The following PCSK1 variants were observed in gnomAD, a reference collection of about 807,000 sequenced individuals.
PCSK1 encodes the protein neuroendocrine convertase 1.
PCSK1 carries 56 observed loss-of-function variants against 90.6 expected under a neutral mutation model. That is an observed-to-expected ratio of 0.62 (90% CI 0.50 to 0.77). PCSK1 has a LOEUF of 0.77. Among genes scored for constraint, PCSK1 ranks in the 30% least tolerant of loss-of-function variants. The pLI, the probability that PCSK1 is intolerant of heterozygous loss-of-function variation, is 0.00. For synonymous variants in PCSK1, 348 were observed against 342.4 expected, an observed-to-expected ratio of 1.02 and a Z score of -0.18; for missense variants, 801 against 932.6, an observed-to-expected ratio of 0.86 and a Z score of 1.84.
rs139094784 is a variant in PCSK1 at position 96,392,298 on chromosome 5, C to T, written c.*703G>A. 10 of 152,144 alleles carry T rather than the reference C, an allele frequency of 6.6e-5. No homozygotes were observed. The highest frequency in any genetic ancestry group is 1.7e-4 in the African/African-American group (7 of 41,414). The allele number at this position is 152,144 out of a possible 1,614,324, so 9.4% of individuals were successfully genotyped here. ...CAGAGGAAAGACCAGGCATGCAGCACGAGTCATAACCACCTCTGGATCCAC... is the reference window on the plus strand; with the variant it reads ...CAGAGGAAAGACCAGGCATGCAGCATGAGTCATAACCACCTCTGGATCCAC... On this transcript the variant is annotated 3_prime_UTR_variant, in exon 14 of 14. Transcript: ENST00000311106.
chr5:96,400,902 A>G (rs1193127811), intron 9 of PCSK1, among the ~76,000 whole-genome samples: 2 of 151,712 alleles, frequency 1.3e-5, no homozygotes, highest in Non-Finnish European at 2.9e-5. Context: ...CTTGGCTAAC[A>G]CGGTGAAACC....
At chr5:96,415,674 G>A (rs1465736061) in intron 6 of PCSK1, among the ~76,000 whole-genome samples, 2 of 152,110 alleles carry the variant, frequency 1.3e-5, no homozygotes, top group Admixed American at 1.3e-4. Flanking sequence ...ACAGAATTGA[G>A]AGGCAGGAAA....
At chr5:96,403,876 C>G (rs1760468500) in intron 9 of PCSK1, among the ~76,000 whole-genome samples, 1 of 152,134 alleles carries the variant, frequency 6.6e-6, no homozygotes, top group Non-Finnish European at 1.5e-5. Context: ...CATTGAAAGT[C>G]CATTTCTCTT....
intron 5 of PCSK1, among the ~76,000 whole-genome samples, chr5:96,416,498 A>G (rs542709805): frequency 6.6e-6 from 1 of 152,340 alleles, no homozygotes; most frequent in East Asian, 1.9e-4. Flanking sequence ...ATTCAGAAAC[A>G]ATTTCAGAGA....
chr5:96,429,978 G>A (rs1761441350), intron 1 of PCSK1, among the ~76,000 whole-genome samples: 1 of 152,154 alleles, frequency 6.6e-6, no homozygotes, highest in Non-Finnish European at 1.5e-5. Context: ...ATTATTTGTG[G>A]TAAGCAGGCA....
chr5:96,432,848 AG>A lies in PCSK1; in HGVS notation c.180+14del. 1 of 1,611,480 alleles carries A rather than the reference AG, an allele frequency of 6.2e-7. No individual in the cohort carries two copies. The highest frequency in any genetic ancestry group is 8.5e-7 in the Non-Finnish European group (1 of 1,178,724). On this transcript the variant is annotated intron_variant, in intron 1 of 13. Transcript: ENST00000311106. ...CTGGGGCCCCAGAAAGTTTCTTGAA[AG>A]TGGAAACTCTTACCTGACCCAAAAG...
intron 3 of PCSK1, 77 bp from the exon 4 acceptor site, chr5:96,423,536 G>A: frequency 7.7e-7 from 1 of 1,295,778 alleles, no homozygotes; most frequent in Non-Finnish European, 1.1e-6. Context: ...GTTCCAACCT[G>A]GAGACCCATC....
chr5:96,429,120 C>A (rs762947740), intron 2 of PCSK1, 93 bp downstream of exon 2: 234 of 705,830 alleles, frequency 3.3e-4, no homozygotes, highest in Admixed American at 1.0e-3. Context: ...AAAAAAAAAA[C>A]CACATTTGCA....
chr5:96,393,496 G>C, intron 13 of PCSK1, 118 bp from the exon 14 acceptor site: 1 of 1,212,524 alleles, frequency 8.2e-7, no homozygotes, highest in Non-Finnish European at 1.2e-6. Context: ...TGAGGGGAGG[G>C]GAGAGAGTTC....
At chr5:96,432,236 T>C (rs376460746) in intron 1 of PCSK1, 11 of 947,806 alleles carry the variant, frequency 1.2e-5, no homozygotes, top group East Asian at 5.3e-5. Flanking sequence ...CGGGGATAGA[T>C]GGTCCCGTGT....
Position 96,397,435 on chromosome 5 carries a change from C to T in PCSK1, c.1623G>A (p.Arg541=), listed in dbSNP as rs199503694. Residue 541 remains arginine (R), a synonymous_variant, in exon 12 of 14, where the codon CGG becomes CGA. Transcript: ENST00000311106. ...TCTTAAAGCCATTAGGAGATGTATC[C>T]CGTTCTCTTTCAGCCAAGAGCACAG... The part of the protein sequence containing the change: ...TSTVLLAERE[R]DTSPNGFKNW... 3 of 1,612,784 alleles carry T rather than the reference C, an allele frequency of 1.9e-6. No homozygotes were observed. The East Asian group carries it at 6.7e-5, about 36-fold the overall frequency.
In PCSK1 at chr5:96,393,126, G is replaced by A. The variant is rs886060888; in HGVS notation, c.2137C>T (p.Leu713Phe). The A allele has an allele frequency of 2.5e-6, 4 of 1,614,186 alleles. No individual in the cohort carries two copies. The highest frequency in any genetic ancestry group is 1.1e-5 in the South Asian group (1 of 91,078). Residue 713 changes from leucine to phenylalanine, a missense_variant, in exon 14 of 14, where the codon CTT (leucine) becomes TTT (phenylalanine). Leu to Phe is a conservative substitution (Grantham distance 22, BLOSUM62 0). Transcript: ENST00000311106. Reference protein sequence around the residue: ...ALEKLNKPSQLKDSEDSLYND... With the variant: ...ALEKLNKPSQFKDSEDSLYND... ...TACAGACTGTCTTCAGAGTCTTTAA[G>A]CTGGGAAGGTTTGTTCAGCTTTTCC...
chr5:96,426,820 G>A (rs889096519), intron 2 of PCSK1, among the ~76,000 whole-genome samples: 37 of 152,154 alleles, frequency 2.4e-4, no homozygotes, highest in Non-Finnish European at 4.4e-4. Flanking sequence ...AATAAAAACC[G>A]AAAAATAATT....
At chr5:96,415,447 T>A (rs1030322840) in intron 6 of PCSK1, among the ~76,000 whole-genome samples, 9 of 152,216 alleles carry the variant, frequency 5.9e-5, no homozygotes, top group Non-Finnish European at 1.2e-4. Flanking sequence ...TCTTAGCCCC[T>A]TGTTGGTTTT....
intron 5 of PCSK1, among the ~76,000 whole-genome samples, chr5:96,416,999 A>G (rs114768174): frequency 0.025 from 3,753 of 152,304 alleles, 152 homozygotes; most frequent in African/African-American, 0.086. Flanking sequence ...ATTTTATTCT[A>G]TTGTGGAAAC....
At chr5:96,394,337 T>C (rs1760057066) in intron 13 of PCSK1, among the ~76,000 whole-genome samples, 1 of 152,230 alleles carries the variant, frequency 6.6e-6, no homozygotes, top group African/African-American at 2.4e-5. Context: ...TCCTCTGAAA[T>C]TTTTTGAGAA....
At chr5:96,426,662 T>C (rs1275219145) in intron 2 of PCSK1, among the ~76,000 whole-genome samples, 2 of 152,222 alleles carry the variant, frequency 1.3e-5, no homozygotes, top group Non-Finnish European at 2.9e-5. Flanking sequence ...GTAGTTATAT[T>C]CATTATGAGA....
At chr5:96,414,525 A>G (rs777232635) in intron 6 of PCSK1, among the ~76,000 whole-genome samples, 40 of 152,212 alleles carry the variant, frequency 2.6e-4, no homozygotes, top group Non-Finnish European at 3.4e-4. Flanking sequence ...AGTAACTGAC[A>G]TACAATAGGT....
chr5:96,414,190 G>C (rs1170552096), intron 6 of PCSK1, among the ~76,000 whole-genome samples: 1 of 151,598 alleles, frequency 6.6e-6, no homozygotes, highest in Non-Finnish European at 1.5e-5. Flanking sequence ...TGGAATCTTG[G>C]GCAAGCCAGT....
Sources: gnomAD v4.1 joint callset for allele counts (sites outside exome capture counted in the v4.1 genomes callset) on GRCh38, gnomAD v4.1.1 for gene constraint, MANE v1.5 for transcripts, NCBI Gene and HGNC (gene_info 2026-07-23, HGNC 2026-07-21) for gene names.